Variants in FER1L5 observed in about 807,000 individuals in gnomAD.
FER1L5 encodes fer-1 like family member 5, also known as fer-1-like protein 5.
FER1L5 carries 187 observed loss-of-function variants against 279.9 expected under a neutral mutation model. That is an observed-to-expected ratio of 0.67 (90% CI 0.59 to 0.75). The LOEUF (loss-of-function observed/expected upper bound fraction) is 0.75, where lower values mean the gene tolerates loss of function less well. Ranked by LOEUF, FER1L5 falls within the 30% of genes least tolerant of loss-of-function variation. FER1L5 has a pLI of 0.00. For synonymous variants in FER1L5, 921 were observed against 989.7 expected, an observed-to-expected ratio of 0.93 and a Z score of 1.30; for missense variants, 2,091 against 2,594.4, an observed-to-expected ratio of 0.81 and a Z score of 4.21.
intron 18 of FER1L5, among the ~76,000 whole-genome samples, chr2:96,672,728 G>A (rs2076373798): frequency 1.3e-5 from 2 of 151,984 alleles, no homozygotes; most frequent in South Asian, 4.1e-4. Context: ...TGTGTCTTCT[G>A]GGGGAAAGGG....
Position 96,699,155 on chromosome 2 carries a change from C to A in FER1L5, c.4610+19C>A, listed in dbSNP as rs772961361. On this transcript the variant is annotated intron_variant, in intron 42 of 52. Transcript: ENST00000624922. ...TTGGCATGTGAGCTGCCCCAACCCC[C>A]AAGACCCCTTCTCCACTCCTATCCA... 1.3e-6 allele frequency: 2 copies of A among 1,592,674 alleles called. No homozygotes were observed. The highest frequency in any genetic ancestry group is 2.3e-5 in the East Asian group (1 of 43,862).
rs528226454 is a variant in FER1L5 at position 96,702,515 on chromosome 2, C to G, written c.5256-85C>G. 1.0e-4 allele frequency: 162 copies of G among 1,548,130 alleles called. No homozygotes were observed. Among genetic ancestry groups the G allele is most frequent in the Non-Finnish European group, 1.3e-4 (154 of 1,145,130 alleles). On this transcript the variant is annotated intron_variant, in intron 47 of 52. Transcript: ENST00000624922. This position sits in a 1 kb window ranked among gnomAD's most constrained non-coding sequence, Gnocchi z 4.0. ...CTCTCCATCCAGCTCTGCCTGGCGT[C>G]GGCTGGGCAGCCCTTCCCATGGGGC...
At chr2:96,646,983 C>G (rs1425735363) in intron 2 of FER1L5, 81 bp from the exon 3 acceptor site, 10 of 1,397,812 alleles carry the variant, frequency 7.2e-6, no homozygotes, top group Non-Finnish European at 9.8e-6. Context: ...CCAGCCCGTT[C>G]CCCACGTCTT....
At chr2:96,693,036 C>G (rs541105794) in intron 31 of FER1L5, among the ~76,000 whole-genome samples, 2 of 152,000 alleles carry the variant, frequency 1.3e-5, no homozygotes, top group South Asian at 4.2e-4. Context: ...ATTAGCCGGG[C>G]GTGGTGGCGG....
intron 39 of FER1L5, 87 bp downstream of exon 39, chr2:96,697,848 C>G: frequency 1.3e-6 from 2 of 1,524,472 alleles, no homozygotes; most frequent in East Asian, 2.3e-5. Context: ...TGGGAAGCCT[C>G]AAGTGGGAAG....
chr2:96,661,174 C>T lies in FER1L5; in HGVS notation c.779-151C>T, dbSNP rs547327324. The T allele has an allele frequency of 9.2e-4, 541 of 585,464 alleles. 4 individuals carry two copies. The South Asian group carries it at 0.013, about 14-fold the overall frequency. The allele number at this position is 585,464 out of a possible 1,614,324, so 36.3% of individuals were successfully genotyped here. On this transcript the variant is annotated intron_variant, in intron 10 of 52. Coordinates refer to ENST00000624922, the MANE Select transcript of FER1L5 (RefSeq NM_001293083.2). ...AGCACGCTATCATTGCTTCGTGGTA[C>T]GAGTGACTCCCCTTTTCCTCTGCCA...
intron 17 of FER1L5, 25 bp downstream of exon 17, chr2:96,669,162 G>A (rs1173535649): frequency 6.5e-7 from 1 of 1,545,390 alleles, no homozygotes; most frequent in Non-Finnish European, 8.7e-7. Flanking sequence ...TCAGCTCTAG[G>A]GTACAGTGGA....
At chr2:96,649,426 T>C (rs543668608) in intron 4 of FER1L5, among the ~76,000 whole-genome samples, 197 bp from the exon 5 acceptor site, 49 of 152,272 alleles carry the variant, frequency 3.2e-4, no homozygotes, top group African/African-American at 1.2e-3. Flanking sequence ...CTGTAACCCA[T>C]TGCTCTCTCC....
At position 96,702,391 on chromosome 2, in the gene FER1L5, T is replaced by A; in HGVS notation, c.5245T>A (p.Tyr1749Asn). The A allele has an allele frequency of 6.2e-7, 1 of 1,611,506 alleles. No homozygotes were observed. Among genetic ancestry groups the A allele is most frequent in the Non-Finnish European group, 8.5e-7 (1 of 1,178,938 alleles). ...AAGTAGAGAGAAGACGAGCGACATC[T>A]ACATCAAAGGGTAGGGAAGAGGAGT... ...NLSREKTSDI[Y>N]IKGWLYGLEK... Residue 1749 changes from tyrosine (Y) to asparagine (N), a missense_variant, in exon 47 of 53, where the codon TAC becomes AAC. Coordinates refer to ENST00000624922, the MANE Select transcript of FER1L5 (RefSeq NM_001293083.2). The surrounding 1 kb of genome is among the most constrained non-coding windows in gnomAD (Gnocchi z 4.0).
Position 96,702,998 on chromosome 2 carries a change from T to G in FER1L5, c.5418T>G (p.Asp1806Glu). Reference sequence around the variant, plus strand: ...CCCAGGATTACATATGGAGCCTGGATGCCACGTCCATGAAGTTCCCAGCCC... The same window carrying G: ...CCCAGGATTACATATGGAGCCTGGAGGCCACGTCCATGAAGTTCCCAGCCC... ...QSQKDYIWSL[D>E]ATSMKFPARL... The change falls in exon 49 of 53, where the codon GAT becomes GAG. Residue 1806 changes from aspartate to glutamate, a missense_variant. Physicochemically the swap from Asp to Glu is conservative, Grantham distance 45. Transcript: ENST00000624922. This position sits in a 1 kb window ranked among gnomAD's most constrained non-coding sequence, Gnocchi z 4.0. 1 of 1,612,948 alleles carries G rather than the reference T, an allele frequency of 6.2e-7. No individual in the cohort carries two copies.
chr2:96,643,166 C>A (rs1251559962), intron 1 of FER1L5, among the ~76,000 whole-genome samples: 1 of 152,116 alleles, frequency 6.6e-6, no homozygotes, highest in Non-Finnish European at 1.5e-5. Flanking sequence ...GACCTTCTTC[C>A]ATGACCTGGA....
At chr2:96,647,740 C>T (rs1215963640) in intron 3 of FER1L5, 38 bp from the exon 4 acceptor site, 1 of 1,459,598 alleles carries the variant, frequency 6.9e-7, no homozygotes, top group East Asian at 2.5e-5. Flanking sequence ...ACTCTTTCCC[C>T]TGGCTCAGGA....
At chr2:96,672,498 G>A (rs771885647) in intron 18 of FER1L5, among the ~76,000 whole-genome samples, 19 of 152,078 alleles carry the variant, frequency 1.2e-4, no homozygotes, top group African/African-American at 3.4e-4. Flanking sequence ...TGAACAGACC[G>A]GGGGAATGCA....
rs548474129 is a variant in FER1L5 at position 96,698,344 on chromosome 2, C to T, written c.4356+188C>T. ...GGGAGCGCTCCCCTTCCCCTCCCCA[C>T]CCTGGCCTATGCTGGCCTCCCAAGG... On this transcript the variant is annotated intron_variant, in intron 40 of 52. Transcript: ENST00000624922. The surrounding 1 kb of genome is among the most constrained non-coding windows in gnomAD (Gnocchi z 5.5). Among the ~76,000 whole-genome samples the T allele has an allele frequency of 6.6e-6, 1 of 152,318 alleles. No homozygotes were observed. Among genetic ancestry groups the T allele is most frequent in the Admixed American group, 6.5e-5 (1 of 15,304 alleles).
At chr2:96,674,261 T>G (rs2106594067) in intron 19 of FER1L5, among the ~76,000 whole-genome samples, 1 of 152,290 alleles carries the variant, frequency 6.6e-6, no homozygotes, top group South Asian at 2.1e-4. Flanking sequence ...GTCTCTCTGT[T>G]GCCCAGGCTG....
intron 3 of FER1L5, 48 bp from the exon 4 acceptor site, chr2:96,647,730 A>T (rs2075198412): frequency 7.3e-7 from 1 of 1,370,180 alleles, no homozygotes. Context: ...AGAAGAGGAC[A>T]CTCTTTCCCC....
At chr2:96,697,216 G>A (rs1056231746) in intron 37 of FER1L5, among the ~76,000 whole-genome samples, 2 of 152,134 alleles carry the variant, frequency 1.3e-5, no homozygotes, top group Non-Finnish European at 2.9e-5. Context: ...TCCAGACATC[G>A]TCACCAAAAG....
chr2:96,659,342 C>CTTCCTTCCTTCCTTCTTTCTTTCT (rs2075764916), intron 9 of FER1L5, among the ~76,000 whole-genome samples: 1 of 80,918 alleles, frequency 1.2e-5, no homozygotes, highest in East Asian at 4.2e-4. Context: ...TCCTTCCTTC[C>CTTCCTTCCTTCCTTCTTTCTTTCT]TTCCTTCCTT....
intron 14 of FER1L5, among the ~76,000 whole-genome samples, chr2:96,666,108 GA>G (rs1355782761): frequency 1.3e-5 from 2 of 151,470 alleles, no homozygotes; most frequent in Non-Finnish European, 2.9e-5. Context: ...TGAAGAGGCA[GA>G]ACAGCCAGCC....
Sources: gnomAD v4.1 joint callset for allele counts (sites outside exome capture counted in the v4.1 genomes callset) on GRCh38, gnomAD v4.1.1 for gene constraint, Gnocchi (gnomAD v3.1) non-coding constraint, MANE v1.5 for transcripts, NCBI Gene and HGNC (gene_info 2026-07-23, HGNC 2026-07-21) for gene names.